The following CCDC7 variants were observed in gnomAD, a reference collection of about 807,000 sequenced individuals.
The protein encoded by CCDC7 is coiled-coil domain containing 7.
CCDC7 carries 183 observed loss-of-function variants against 196.9 expected under a neutral mutation model. The observed-to-expected ratio is 0.93, with a 90% CI of 0.82 to 1.05. The LOEUF (loss-of-function observed/expected upper bound fraction) is 1.05. Ranked by LOEUF, CCDC7 falls within the 50% of genes least tolerant of loss-of-function variation. The pLI, the probability that CCDC7 is intolerant of heterozygous loss-of-function variation, is 0.00. For missense variants in CCDC7, 1,540 were observed against 1,482.2 expected (o/e 1.04, Z -0.64); for synonymous variants, 525 against 484.6 (o/e 1.08, Z -1.10).
chr10:32,711,597 A>G, intron 24 of CCDC7, 23 bp from the exon 26 acceptor site: 1 of 1,416,042 alleles, frequency 7.1e-7, no homozygotes, highest in Non-Finnish European at 9.7e-7. Flanking sequence ...CTAGTAAGGG[A>G]CTAAATTTCT....
rs2076188841 is a variant in CCDC7 at position 32,684,097 on chromosome 10, TG to T, written c.2123-1869del. Among the ~76,000 whole-genome samples the T allele has an allele frequency of 2.0e-5, 3 of 150,652 alleles. No homozygotes were observed. In the South Asian group the frequency reaches 6.4e-4, roughly 32 times the overall value. ...CAGCCCAAGTGATCAGGTTGGGGGG[TG>T]GGGTGAGGTGGGTTGCTGTGCTGGG... On this transcript the variant is annotated intron_variant, in intron 21 of 41. Transcript: ENST00000639629.
intron 16 of CCDC7, among the ~76,000 whole-genome samples, chr10:32,578,766 T>C (rs892683652): frequency 6.6e-6 from 1 of 151,980 alleles, no homozygotes; most frequent in Non-Finnish European, 1.5e-5. Context: ...CTGGTATCAG[T>C]TTGTGGTCCA....
chr10:32,641,309 C>T (rs1317572489), intron 20 of CCDC7, among the ~76,000 whole-genome samples: 1 of 152,214 alleles, frequency 6.6e-6, no homozygotes, highest in Admixed American at 6.5e-5. Flanking sequence ...TAGATTTGGT[C>T]TTTTCACATA....
intron 11 of CCDC7, among the ~76,000 whole-genome samples, chr10:32,525,716 G>A (rs973505439): frequency 7.2e-5 from 11 of 152,218 alleles, no homozygotes; most frequent in African/African-American, 2.7e-4. Flanking sequence ...AGTATTTGAA[G>A]GGACTTGGGC....
chr10:32,801,461 T>G (rs2084773533), intron 29 of CCDC7, among the ~76,000 whole-genome samples: 2 of 152,232 alleles, frequency 1.3e-5, no homozygotes, highest in South Asian at 4.1e-4. Context: ...TTAGTGGGCC[T>G]AAATCAATAA....
intron 13 of CCDC7, among the ~76,000 whole-genome samples, chr10:32,549,740 T>G (rs7920812): frequency 0.14 from 21,030 of 152,184 alleles, 1,756 homozygotes; most frequent in East Asian, 0.25. Flanking sequence ...TTGGGTTTAT[T>G]TCTGGGTTCT....
At chr10:32,760,786 A>G (rs932042367) in intron 28 of CCDC7, among the ~76,000 whole-genome samples, 2 of 151,736 alleles carry the variant, frequency 1.3e-5, no homozygotes, top group African/African-American at 4.8e-5. Context: ...AAAAAAAAAG[A>G]ACACCCAAAG....
chr10:32,760,978 T>C (rs1565427141), intron 28 of CCDC7, among the ~76,000 whole-genome samples: 1 of 152,012 alleles, frequency 6.6e-6, no homozygotes, highest in Non-Finnish European at 1.5e-5. Context: ...GTCATGGTGA[T>C]ATTCAGTATA....
At chr10:32,700,374 G>A (rs1285135448) in intron 24 of CCDC7, among the ~76,000 whole-genome samples, 1 of 149,004 alleles carries the variant, frequency 6.7e-6, no homozygotes, top group Non-Finnish European at 1.5e-5. Flanking sequence ...TGGATATGTG[G>A]CATTATTTCT....
chr10:32,480,086 G>A (rs2039694111), intron 8 of CCDC7, among the ~76,000 whole-genome samples: 1 of 151,614 alleles, frequency 6.6e-6, no homozygotes, highest in Non-Finnish European at 1.5e-5. Flanking sequence ...GAGTCTTGCT[G>A]TTTTTTCTTA....
At chr10:32,767,499 TG>T (rs2078503335) in intron 28 of CCDC7, among the ~76,000 whole-genome samples, 1 of 152,114 alleles carries the variant, frequency 6.6e-6, no homozygotes, top group South Asian at 2.1e-4. Flanking sequence ...AAAATTTATT[TG>T]TGAAGTGGAG....
chr10:32,584,752 C>CAAAAAAA (rs749922864), intron 18 of CCDC7, among the ~76,000 whole-genome samples: 9 of 56,330 alleles, frequency 1.6e-4, no homozygotes, highest in East Asian at 6.4e-4. Context: ...CACTTCATCT[C>CAAAAAAA]AAAAAAAAAA....
In CCDC7 at chr10:32,635,171, T is replaced by G. The variant is rs2065425954; in HGVS notation, c.2014+13T>G. Reference sequence around the variant, plus strand: ...GAGAGTTTTCATTGTAAGTAGTAAGTTTAAAATGTTATAAAATTATTTTCA... The same window carrying G: ...GAGAGTTTTCATTGTAAGTAGTAAGGTTAAAATGTTATAAAATTATTTTCA... On this transcript the variant is annotated intron_variant, in intron 20 of 41. Coordinates refer to ENST00000639629, the Ensembl canonical transcript of CCDC7. 2.5e-6 allele frequency: 1 copy of G among 398,386 alleles called. No individual in the cohort carries two copies. The highest frequency in any genetic ancestry group is 2.1e-5 in the African/African-American group (1 of 48,736). The allele number at this position is 398,386 out of a possible 1,614,324, so 24.7% of individuals were successfully genotyped here.
chr10:32,664,522 A>G (rs1424341744), intron 21 of CCDC7, among the ~76,000 whole-genome samples: 1 of 152,062 alleles, frequency 6.6e-6, no homozygotes, highest in African/African-American at 2.4e-5. Flanking sequence ...GCCTCTTATA[A>G]CCAACATTTT....
At chr10:32,646,850 T>G (rs993514825) in intron 20 of CCDC7, among the ~76,000 whole-genome samples, 10 of 152,344 alleles carry the variant, frequency 6.6e-5, no homozygotes, top group African/African-American at 2.2e-4. Flanking sequence ...TTTCTGTTCC[T>G]GTATTAATTT....
intron 13 of CCDC7, among the ~76,000 whole-genome samples, chr10:32,545,971 C>T (rs190254691): frequency 6.7e-6 from 1 of 149,824 alleles, no homozygotes; most frequent in East Asian, 2.0e-4. Context: ...GTGAGGCAGC[C>T]TTAGGCTCTA....
intron 24 of CCDC7, among the ~76,000 whole-genome samples, chr10:32,703,900 C>G (rs1352864282): frequency 6.6e-6 from 1 of 152,050 alleles, no homozygotes; most frequent in Non-Finnish European, 1.5e-5. Context: ...ATTGGTTATT[C>G]TAGTTAGACA....
At position 32,824,615 on chromosome 10, in the gene CCDC7, G is replaced by A. The variant is rs1312576336; in HGVS notation, c.3268+11G>A. On this transcript the variant is annotated intron_variant, in intron 32 of 41. Transcript: ENST00000639629. ...GAAAGAGTTACCCTGGTAAGAATAA[G>A]AATTTTTAAAATCTACTTATGGTTT... 1 of 1,581,614 alleles carries A rather than the reference G, an allele frequency of 6.3e-7. No individual in the cohort carries two copies. The highest frequency in any genetic ancestry group is 8.7e-7 in the Non-Finnish European group (1 of 1,154,904).
intron 18 of CCDC7, among the ~76,000 whole-genome samples, chr10:32,608,235 A>G (rs553006782): frequency 4.3e-4 from 65 of 151,940 alleles, no homozygotes; most frequent in Non-Finnish European, 7.1e-4. Context: ...ATCAATTTTG[A>G]TTAGCTTTAA....
Sources: gnomAD v4.1 joint callset for allele counts (sites outside exome capture counted in the v4.1 genomes callset) on GRCh38, gnomAD v4.1.1 for gene constraint, MANE v1.5 for transcripts, NCBI Gene and HGNC (gene_info 2026-07-23, HGNC 2026-07-21) for gene names.